The following TENM4 variants were observed in gnomAD, a reference collection of about 807,000 sequenced individuals.
TENM4 encodes teneurin transmembrane protein 4, also known as teneurin-4.
Under a neutral mutation model 243.3 loss-of-function variants are expected in TENM4, and 82 were observed. That is an observed-to-expected ratio of 0.34 (90% confidence interval 0.28 to 0.40). The LOEUF is 0.40. Among genes scored for constraint, TENM4 ranks in the 10% least tolerant of loss-of-function variants. The pLI, the probability that TENM4 is intolerant of heterozygous loss-of-function variation, is 1.00. For synonymous variants in TENM4, 1,412 were observed against 1,456.3 expected (o/e 0.97, Z 0.69); for missense variants, 3,138 against 3,673.3 (o/e 0.85, Z 3.77).
chr11:78,701,100 T>G (rs1327870335), intron 28 of TENM4, among the ~76,000 whole-genome samples: 1 of 152,226 alleles, frequency 6.6e-6, no homozygotes. Flanking sequence ...GCTTCAATTA[T>G]GTGGAAAATT....
intron 12 of TENM4, among the ~76,000 whole-genome samples, chr11:78,843,208 G>A (rs961078119): frequency 1.3e-5 from 2 of 152,180 alleles, no homozygotes; most frequent in Admixed American, 1.3e-4. Flanking sequence ...AACCCAGGAG[G>A]TGGAGGTTGC....
At position 78,669,482 on chromosome 11, in the gene TENM4, C is replaced by G; in HGVS notation, c.6863G>C (p.Ser2288Thr). 2 of 1,613,792 alleles carry G rather than the reference C, an allele frequency of 1.2e-6. No homozygotes were observed. Among genetic ancestry groups the G allele is most frequent in the Non-Finnish European group, 8.5e-7 (1 of 1,179,796 alleles). ...IKAYNRAGSWSVRYRYDGLGR... is the reference protein window; with the variant it reads ...IKAYNRAGSWTVRYRYDGLGR... Reference sequence around the variant, plus strand: ...CAGGCCATCGTAGCGGTACCTGACACTCCAGCTGCCAGCCCGGTTGTAGGC... The same window carrying G: ...CAGGCCATCGTAGCGGTACCTGACAGTCCAGCTGCCAGCCCGGTTGTAGGC... Residue 2288 changes from serine to threonine, a missense_variant, in exon 32 of 34, where the codon AGT becomes ACT. This residue lies in a region of TENM4 where 2,467 missense variants were observed against 3,059.1 expected (regional missense o/e 0.81). Transcript: ENST00000278550. The surrounding 1 kb of genome is among the most constrained non-coding windows in gnomAD (Gnocchi z 6.4).
chr11:78,686,876 A>G (rs972011075), intron 29 of TENM4, among the ~76,000 whole-genome samples: 5 of 152,204 alleles, frequency 3.3e-5, no homozygotes, highest in African/African-American at 1.2e-4. Context: ...TGAAAGGCAA[A>G]GGACTAAATT....
chr11:79,178,418 G>A (rs945713822), intron 3 of TENM4, among the ~76,000 whole-genome samples: 4 of 151,792 alleles, frequency 2.6e-5, no homozygotes, highest in Non-Finnish European at 5.9e-5. Flanking sequence ...ACAGAAAGAA[G>A]AGCCCTGGGG....
At chr11:79,213,402 A>G (rs1275913242) in intron 3 of TENM4, among the ~76,000 whole-genome samples, 2 of 152,188 alleles carry the variant, frequency 1.3e-5, no homozygotes. Flanking sequence ...GAAGACAGAA[A>G]ATAGGCAATT....
chr11:79,364,245 C>A (rs1327339558), intron 1 of TENM4, among the ~76,000 whole-genome samples: 1 of 152,222 alleles, frequency 6.6e-6, no homozygotes, highest in Non-Finnish European at 1.5e-5. Context: ...ACCTGATGGG[C>A]ACTGGAGAGG....
At position 78,712,614 on chromosome 11, in the gene TENM4, T is replaced by C; in HGVS notation, c.3922A>G (p.Thr1308Ala). The C allele has an allele frequency of 1.2e-6, 2 of 1,613,858 alleles. No individual in the cohort carries two copies. The highest frequency in any genetic ancestry group is 1.7e-6 in the Non-Finnish European group (2 of 1,179,874). ...TTGACAAGGTCCTTCACCACCACAG[T>C]GGACTTGATTTTAAAGACCCGCCGG... Reference protein sequence around the residue: ...NSRRVFKIKSTVVVKDLVKNS... With the variant: ...NSRRVFKIKSAVVVKDLVKNS... The change falls in exon 26 of 34, where the codon ACT becomes GCT. Residue 1308 changes from threonine to alanine, a missense_variant. Physicochemically the swap from Thr to Ala is moderately conservative, Grantham distance 58. Transcript: ENST00000278550.
At chr11:79,011,843 T>C (rs969617111) in intron 6 of TENM4, among the ~76,000 whole-genome samples, 1 of 152,190 alleles carries the variant, frequency 6.6e-6, no homozygotes, top group Non-Finnish European at 1.5e-5. Flanking sequence ...CCTGCCCATC[T>C]CTTCTTACTT....
At chr11:79,018,947 C>T (rs998748246) in intron 6 of TENM4, among the ~76,000 whole-genome samples, 14 of 152,228 alleles carry the variant, frequency 9.2e-5, no homozygotes, top group African/African-American at 3.1e-4. Context: ...CACAGTCTTA[C>T]AGCTTGGAGC....
At chr11:78,927,416 G>C (rs1401186419) in intron 6 of TENM4, among the ~76,000 whole-genome samples, 2 of 152,190 alleles carry the variant, frequency 1.3e-5, no homozygotes, top group Non-Finnish European at 2.9e-5. Context: ...AGATAATTAA[G>C]CAGGTGTCAA....
At chr11:79,068,428 A>G (rs12280834) in intron 5 of TENM4, 91,680 of 152,092 alleles carry the variant, frequency 0.6, 28,109 homozygotes, top group African/African-American at 0.64. Flanking sequence ...TCACAGGCAG[A>G]ACAGGTCAGC....
At chr11:79,030,260 T>C (rs1859192080) in intron 6 of TENM4, among the ~76,000 whole-genome samples, 1 of 152,124 alleles carries the variant, frequency 6.6e-6, no homozygotes, top group Admixed American at 6.5e-5. Flanking sequence ...TTTGATATTA[T>C]CCTCATATAT....
chr11:78,861,744 T>C (rs1187238872), intron 10 of TENM4, among the ~76,000 whole-genome samples: 2 of 152,126 alleles, frequency 1.3e-5, no homozygotes, highest in Non-Finnish European at 2.9e-5. Flanking sequence ...AGGCAAATTA[T>C]TGCAAGGGCA....
intron 6 of TENM4, among the ~76,000 whole-genome samples, chr11:78,993,893 T>C (rs1429592613): frequency 6.6e-6 from 1 of 152,228 alleles, no homozygotes; most frequent in Non-Finnish European, 1.5e-5. Flanking sequence ...CCTATCCTTC[T>C]TCTATGCACA....
At chr11:78,800,077 C>A (rs1446385077) in intron 15 of TENM4, among the ~76,000 whole-genome samples, 1 of 152,178 alleles carries the variant, frequency 6.6e-6, no homozygotes. Flanking sequence ...AGGCTAAAAT[C>A]TTTAGAAGCC....
chr11:79,362,079 G>A (rs987960812), intron 1 of TENM4, among the ~76,000 whole-genome samples: 3 of 152,154 alleles, frequency 2.0e-5, no homozygotes, highest in African/African-American at 7.2e-5. Flanking sequence ...TAGGAAAAAG[G>A]GTTGTTCCAA....
At chr11:79,349,018 C>T (rs1325111631) in intron 1 of TENM4, among the ~76,000 whole-genome samples, 7 of 152,184 alleles carry the variant, frequency 4.6e-5, no homozygotes, top group Admixed American at 4.6e-4. Context: ...CAAGCCCCTT[C>T]ACTGTATGGA....
chr11:78,826,076 C>CTTTTTT (rs59565048), intron 12 of TENM4, among the ~76,000 whole-genome samples: 3 of 115,406 alleles, frequency 2.6e-5, no homozygotes, highest in Non-Finnish European at 5.2e-5. Flanking sequence ...AATCCCCCTC[C>CTTTTTT]TTTTTTTTTT....
intron 16 of TENM4, among the ~76,000 whole-genome samples, chr11:78,779,687 T>A (rs995213264): frequency 6.6e-6 from 1 of 152,116 alleles, no homozygotes; most frequent in East Asian, 1.9e-4. Flanking sequence ...AAAGGCCGGG[T>A]AGCTGGGCAG....
Sources: allele counts gnomAD v4.1 joint callset (sites outside exome capture counted in the v4.1 genomes callset), GRCh38; gene constraint gnomAD v4.1.1; regional missense constraint gnomAD v4.1.1; non-coding constraint Gnocchi (gnomAD v3.1); transcripts MANE v1.5; gene names NCBI Gene and HGNC (gene_info 2026-07-23, HGNC 2026-07-21).